The following LRRC4C variants were observed in gnomAD, a reference collection of about 807,000 sequenced individuals.
The protein encoded by LRRC4C is leucine rich repeat containing 4C, also known as leucine-rich repeat-containing protein 4C.
Under a neutral mutation model 33.6 loss-of-function variants are expected in LRRC4C, and 5 were observed. The ratio of observed to expected loss-of-function variants is 0.15; its 90% CI spans 0.08 to 0.31. The LOEUF is 0.31. LRRC4C is among the 10% of genes least tolerant of loss of function. The pLI is 1.00. For synonymous variants in LRRC4C, 329 were observed against 302.0 expected, an observed-to-expected ratio of 1.09 and a Z score of -0.93; for missense variants, 560 against 796.7, an observed-to-expected ratio of 0.70 and a Z score of 3.58.
intron 1 of LRRC4C, among the ~76,000 whole-genome samples, chr11:41,457,459 G>A (rs1374368772): frequency 2.0e-5 from 3 of 152,054 alleles, no homozygotes; most frequent in African/African-American, 7.2e-5. Flanking sequence ...TGACCCATTG[G>A]CACTTGGAGT....
intron 4 of LRRC4C, among the ~76,000 whole-genome samples, chr11:40,305,352 T>A (rs1944978164): frequency 6.6e-6 from 1 of 152,236 alleles, no homozygotes; most frequent in African/African-American, 2.4e-5. Context: ...CAGACCTTAC[T>A]TTCCTGTTCA....
intron 1 of LRRC4C, among the ~76,000 whole-genome samples, chr11:41,293,268 CTA>C (rs1950041911): frequency 6.6e-6 from 1 of 151,906 alleles, no homozygotes; most frequent in South Asian, 2.1e-4. Context: ...AAATTATCTG[CTA>C]TGATTTTGTA....
intron 2 of LRRC4C, among the ~76,000 whole-genome samples, chr11:40,701,025 A>T (rs1945840691): frequency 6.6e-6 from 1 of 152,296 alleles, no homozygotes; most frequent in Middle Eastern, 3.4e-3. Flanking sequence ...GCATTACATT[A>T]TGAATCTTTC....
chr11:40,238,133 C>G (rs1489258707), intron 5 of LRRC4C, among the ~76,000 whole-genome samples: 3 of 152,088 alleles, frequency 2.0e-5, no homozygotes, highest in Non-Finnish European at 4.4e-5. Flanking sequence ...GAATATCTTC[C>G]AAGGGTAGGC....
intron 1 of LRRC4C, among the ~76,000 whole-genome samples, chr11:41,357,600 G>A (rs1449465697): frequency 6.6e-6 from 1 of 151,980 alleles, no homozygotes; most frequent in East Asian, 1.9e-4. Context: ...TAACGTCCTT[G>A]TTCTGGTGTT....
At chr11:40,607,723 G>A (rs1433525853) in intron 3 of LRRC4C, among the ~76,000 whole-genome samples, 1 of 152,102 alleles carries the variant, frequency 6.6e-6, no homozygotes, top group African/African-American at 2.4e-5. Context: ...AAAACCTTGG[G>A]ATGCAGAAAG....
At chr11:41,126,738 C>T (rs1942761312) in intron 1 of LRRC4C, among the ~76,000 whole-genome samples, 1 of 151,830 alleles carries the variant, frequency 6.6e-6, no homozygotes, top group African/African-American at 2.4e-5. Context: ...GTGGCTTCTA[C>T]CAGGTGAAGA....
chr11:40,227,628 G>C (rs1274797773), intron 5 of LRRC4C, among the ~76,000 whole-genome samples: 1 of 152,140 alleles, frequency 6.6e-6, no homozygotes, highest in South Asian at 2.1e-4. Flanking sequence ...CCGAATGCAT[G>C]ATGACTCCCC....
intron 3 of LRRC4C, among the ~76,000 whole-genome samples, chr11:40,489,219 C>G (rs954450182): frequency 6.6e-6 from 1 of 152,234 alleles, no homozygotes; most frequent in South Asian, 2.1e-4. Context: ...AACATCGTGC[C>G]TCAAGTTTTA....
intron 2 of LRRC4C, among the ~76,000 whole-genome samples, chr11:40,884,661 A>G (rs1013560617): frequency 6.6e-6 from 1 of 152,094 alleles, no homozygotes; most frequent in African/African-American, 2.4e-5. Flanking sequence ...GGACATGTCA[A>G]TTTCTGAAAG....
chr11:40,331,872 A>G (rs759390639), intron 3 of LRRC4C, among the ~76,000 whole-genome samples: 3 of 152,166 alleles, frequency 2.0e-5, no homozygotes, highest in Non-Finnish European at 4.4e-5. Flanking sequence ...GGTACTTCAT[A>G]GTTTCCATAA....
chr11:40,562,181 G>A (rs1309029834), intron 3 of LRRC4C, among the ~76,000 whole-genome samples: 1 of 152,106 alleles, frequency 6.6e-6, no homozygotes, highest in African/African-American at 2.4e-5. Flanking sequence ...ATGGGAATGT[G>A]TACCATGTTC....
intron 2 of LRRC4C, among the ~76,000 whole-genome samples, chr11:40,710,676 T>C (rs1177807568): frequency 1.3e-5 from 2 of 152,182 alleles, no homozygotes; most frequent in East Asian, 3.9e-4. Flanking sequence ...GAGGAGGCAG[T>C]CTGCCCATTC....
chr11:40,796,472 A>G (rs1039711662), intron 2 of LRRC4C, among the ~76,000 whole-genome samples: 1 of 152,140 alleles, frequency 6.6e-6, no homozygotes, highest in Admixed American at 6.6e-5. Flanking sequence ...TCTGAAAGAC[A>G]TAGAGTATTT....
chr11:41,112,870 AAAC>A (rs1471029549), intron 1 of LRRC4C, among the ~76,000 whole-genome samples: 2 of 152,068 alleles, frequency 1.3e-5, no homozygotes, highest in African/African-American at 4.8e-5. Flanking sequence ...CAAATGATGA[AAAC>A]AACAAAAAAC....
intron 1 of LRRC4C, among the ~76,000 whole-genome samples, chr11:41,202,361 G>T (rs943290931): frequency 6.6e-6 from 1 of 152,124 alleles, no homozygotes; most frequent in Non-Finnish European, 1.5e-5. Context: ...CAATTTAAAA[G>T]GGGAGTTAAT....
At chr11:40,588,671 G>A (rs1958882397) in intron 3 of LRRC4C, among the ~76,000 whole-genome samples, 1 of 151,912 alleles carries the variant, frequency 6.6e-6, no homozygotes, top group Non-Finnish European at 1.5e-5. Context: ...ACTCTGGTAT[G>A]TTGTGTCTTT....
intron 3 of LRRC4C, among the ~76,000 whole-genome samples, chr11:40,423,482 C>G (rs1950599888): frequency 1.3e-5 from 2 of 151,548 alleles, no homozygotes; most frequent in African/African-American, 4.8e-5. Flanking sequence ...GCAGCTGGGA[C>G]TACAGGCGCC....
At chr11:40,585,610 T>A (rs1958691359) in intron 3 of LRRC4C, among the ~76,000 whole-genome samples, 1 of 132,826 alleles carries the variant, frequency 7.5e-6, no homozygotes, top group Non-Finnish European at 1.6e-5. Context: ...CTCCCAATGG[T>A]ATCCCTCCCC....
Sources: allele counts gnomAD v4.1 joint callset (sites outside exome capture counted in the v4.1 genomes callset), GRCh38; gene constraint gnomAD v4.1.1; transcripts MANE v1.5; gene names NCBI Gene and HGNC (gene_info 2026-07-23, HGNC 2026-07-21).